Variants in UMAD1 observed in about 807,000 individuals in gnomAD.
UMAD1 encodes the protein UBAP1-MVB12-associated (UMA) domain containing 1, also known as UBAP1-MVB12-associated (UMA)-domain containing protein 1.
Under a neutral mutation model 6.1 loss-of-function variants are expected in UMAD1, and 8 were observed. The ratio of observed to expected loss-of-function variants is 1.30; its 90% CI spans 0.76 to 2.35. The LOEUF (loss-of-function observed/expected upper bound fraction) is 2.35. UMAD1 is among the 30% of genes most tolerant of loss of function. The pLI is 0.00. For missense variants in UMAD1, 130 were observed against 78.4 expected (o/e 1.66, Z -2.49); for synonymous variants, 56 against 31.4 (o/e 1.78, Z -2.61).
chr7:7,662,170 C>T lies in UMAD1; in HGVS notation c.-63-11139C>T, dbSNP rs546341481. Among the ~76,000 whole-genome samples the T allele has an allele frequency of 7.5e-4, 114 of 152,224 alleles. 2 individuals carry two copies. Among genetic ancestry groups the T allele is most frequent in the Admixed American group, 1.8e-3 (28 of 15,300 alleles). ...CAGATGCCCTTCCCCCCACCAAGCT[C>T]GAGTGTCCCAGGTCAGCTTCAGGTT... On this transcript the variant is annotated intron_variant, in intron 1 of 3. Transcript: ENST00000682710.
chr7:7,695,981 G>GTTT (rs34880729), intron 2 of UMAD1, among the ~76,000 whole-genome samples: 9 of 130,736 alleles, frequency 6.9e-5, no homozygotes, highest in Non-Finnish European at 1.1e-4. Context: ...GTATATCTCC[G>GTTT]TTTTTTTTTT....
intron 2 of UMAD1, among the ~76,000 whole-genome samples, chr7:7,677,743 G>A (rs6975797): frequency 0.65 from 90,166 of 139,670 alleles, 29,355 homozygotes; most frequent in East Asian, 0.87. Flanking sequence ...GCGGGATCTC[G>A]GCTCACTGCA....
intron 2 of UMAD1, among the ~76,000 whole-genome samples, chr7:7,755,062 G>C (rs1781751636): frequency 6.6e-6 from 1 of 152,052 alleles, no homozygotes; most frequent in African/African-American, 2.4e-5. Flanking sequence ...CCCTTCGGTG[G>C]CTTCAAATCT....
chr7:7,738,571 T>C (rs1781404125), intron 2 of UMAD1: 1 of 152,246 alleles, frequency 6.6e-6, no homozygotes, highest in Non-Finnish European at 1.5e-5. Flanking sequence ...TGTAACCAAA[T>C]ACTGTTCAGG....
intron 2 of UMAD1, among the ~76,000 whole-genome samples, chr7:7,681,300 T>A (rs1779906998): frequency 6.6e-6 from 1 of 152,138 alleles, no homozygotes; most frequent in South Asian, 2.1e-4. Flanking sequence ...AGGTTTTAGG[T>A]CACAATTATT....
At chr7:7,663,684 A>G (rs1248965775) in intron 1 of UMAD1, among the ~76,000 whole-genome samples, 1 of 152,204 alleles carries the variant, frequency 6.6e-6, no homozygotes, top group Admixed American at 6.5e-5. Flanking sequence ...TCAAAAGAGA[A>G]CTCAAAGCCT....
chr7:7,668,137 T>A (rs1289637366), intron 1 of UMAD1, among the ~76,000 whole-genome samples: 1 of 151,944 alleles, frequency 6.6e-6, no homozygotes, highest in Non-Finnish European at 1.5e-5. Context: ...TGGTCTCAAC[T>A]CTTGGGCTCA....
intron 3 of UMAD1, among the ~76,000 whole-genome samples, chr7:7,849,299 G>C (rs2115322728): frequency 6.6e-6 from 1 of 152,222 alleles, no homozygotes; most frequent in East Asian, 1.9e-4. Context: ...TTGTGTTTGA[G>C]AATAAAAAGT....
At chr7:7,712,844 A>G (rs1780801518) in intron 2 of UMAD1, among the ~76,000 whole-genome samples, 1 of 152,180 alleles carries the variant, frequency 6.6e-6, no homozygotes, top group African/African-American at 2.4e-5. Flanking sequence ...CTAAAGGCTT[A>G]TTGTAGAAAC....
At chr7:7,850,840 T>G (rs1783901712) in intron 3 of UMAD1, among the ~76,000 whole-genome samples, 1 of 152,136 alleles carries the variant, frequency 6.6e-6, no homozygotes, top group Non-Finnish European at 1.5e-5. Context: ...TTAGTGATTT[T>G]TAAGCACCTT....
chr7:7,837,893 C>T (rs892222590), intron 3 of UMAD1, among the ~76,000 whole-genome samples: 1 of 151,918 alleles, frequency 6.6e-6, no homozygotes, highest in Non-Finnish European at 1.5e-5. Context: ...GACATAACTA[C>T]AAATATAGGT....
intron 1 of UMAD1, among the ~76,000 whole-genome samples, chr7:7,657,448 C>T (rs1785370408): frequency 6.6e-6 from 1 of 152,150 alleles, no homozygotes. Flanking sequence ...GATTTTACGT[C>T]TTACGTTTAG....
intron 2 of UMAD1, among the ~76,000 whole-genome samples, chr7:7,784,704 A>G (rs2115256992): frequency 6.6e-6 from 1 of 151,134 alleles, no homozygotes; most frequent in East Asian, 2.0e-4. Context: ...CAACCCAGTT[A>G]CATATTACCA....
intron 2 of UMAD1, among the ~76,000 whole-genome samples, chr7:7,717,165 T>C (rs1312530753): frequency 6.6e-6 from 1 of 151,606 alleles, no homozygotes; most frequent in Non-Finnish European, 1.5e-5. Flanking sequence ...CAAGCGATTC[T>C]CTCACCTCTG....
intron 1 of UMAD1, among the ~76,000 whole-genome samples, chr7:7,645,502 G>A (rs572555417): frequency 6.6e-6 from 1 of 152,284 alleles, no homozygotes; most frequent in African/African-American, 2.4e-5. Context: ...CAGCTATCAA[G>A]TAAATCCACG....
At chr7:7,704,929 A>T (rs953738444) in intron 2 of UMAD1, among the ~76,000 whole-genome samples, 6 of 152,200 alleles carry the variant, frequency 3.9e-5, no homozygotes, top group African/African-American at 1.4e-4. Flanking sequence ...GATTCTAAAC[A>T]GTATTCATCA....
At chr7:7,839,899 T>C (rs1034497045) in intron 3 of UMAD1, among the ~76,000 whole-genome samples, 2 of 152,224 alleles carry the variant, frequency 1.3e-5, no homozygotes, top group Non-Finnish European at 2.9e-5. Flanking sequence ...CTCCAACTCA[T>C]ATCCAGCTGC....
intron 3 of UMAD1, among the ~76,000 whole-genome samples, chr7:7,848,421 C>G (rs1783851209): frequency 6.6e-6 from 1 of 152,074 alleles, no homozygotes; most frequent in Non-Finnish European, 1.5e-5. Context: ...TCTTCACTTT[C>G]TATATCAACA....
intron 2 of UMAD1, among the ~76,000 whole-genome samples, chr7:7,782,019 G>A (rs1782355416): frequency 6.6e-6 from 1 of 152,028 alleles, no homozygotes; most frequent in Non-Finnish European, 1.5e-5. Flanking sequence ...TAATGAAGTT[G>A]TAGAATGTAA....
Sources: allele counts gnomAD v4.1 joint callset (sites outside exome capture counted in the v4.1 genomes callset), GRCh38; gene constraint gnomAD v4.1.1; transcripts MANE v1.5; gene names NCBI Gene and HGNC (gene_info 2026-07-23, HGNC 2026-07-21).